The following DGKZ variants were observed in gnomAD, a reference collection of about 807,000 sequenced individuals.
DGKZ encodes DAG kinase zeta.
A neutral mutation model predicts 142.5 loss-of-function variants in DGKZ; 45 were observed. That is an observed-to-expected ratio of 0.32 (90% CI 0.25 to 0.40). DGKZ has a LOEUF of 0.40. DGKZ is among the 10% of genes least tolerant of loss of function. The pLI, the probability that DGKZ is intolerant of heterozygous loss-of-function variation, is 1.00. For missense variants in DGKZ, 755 were observed against 1,306.5 expected, an observed-to-expected ratio of 0.58 and a Z score of 6.51; for synonymous variants, 442 against 527.0, an observed-to-expected ratio of 0.84 and a Z score of 2.21.
At chr11:46,377,306 G>A in intron 25 of DGKZ, 94 bp downstream of exon 25, 2 of 1,460,002 alleles carry the variant, frequency 1.4e-6, no homozygotes, top group South Asian at 2.9e-5. Context: ...CCCTCCACCA[G>A]TTAACTAAAT....
At chr11:46,360,154 A>G (rs1441979910) in intron 1 of DGKZ, among the ~76,000 whole-genome samples, 11 of 152,198 alleles carry the variant, frequency 7.2e-5, no homozygotes, top group Non-Finnish European at 1.3e-4. Flanking sequence ...GCCTTCTATT[A>G]GGCCAGATGT....
chr11:46,376,400 G>A lies in DGKZ; in HGVS notation c.2161+3G>A. The A allele has an allele frequency of 1.9e-6, 3 of 1,614,120 alleles. No individual in the cohort carries two copies. The highest frequency in any genetic ancestry group is 1.1e-5 in the South Asian group (1 of 91,092). ...CCCCAAGTGGTGCTTCCTGGACGGTGAGTCTACTCCCAGGGTGCCAAGCTG... is the reference window on the plus strand; with the variant it reads ...CCCCAAGTGGTGCTTCCTGGACGGTAAGTCTACTCCCAGGGTGCCAAGCTG... On this transcript the variant is annotated splice_donor_region_variant and intron_variant, in intron 23 of 30. Coordinates refer to ENST00000527911, the Ensembl canonical transcript of DGKZ.
intron 28 of DGKZ, 26 bp downstream of exon 28, chr11:46,379,137 CCT>C: frequency 6.2e-7 from 1 of 1,610,844 alleles, no homozygotes; most frequent in East Asian, 2.2e-5. Flanking sequence ...GAGCCCAGGG[CCT>C]GGGGCCAAGG....
chr11:46,372,534 G>A lies in DGKZ; in HGVS notation c.1010+24G>A, dbSNP rs946741798. ...GCGTAAGTACTTGCCAAGGTTTTGT[G>A]GGGGACATGGGGGGGAACTTGCCTC... On this transcript the variant is annotated intron_variant, in intron 11 of 30. Coordinates refer to ENST00000527911, the Ensembl canonical transcript of DGKZ. The surrounding 1 kb of genome is among the most constrained non-coding windows in gnomAD (Gnocchi z 5.9). 2 of 1,613,814 alleles carry A rather than the reference G, an allele frequency of 1.2e-6. No homozygotes were observed. Among genetic ancestry groups the A allele is most frequent in the Admixed American group, 3.3e-5 (2 of 59,994 alleles).
chr11:46,367,512 A>G lies in DGKZ; in HGVS notation c.270+113A>G. 6 of 1,299,966 alleles carry G rather than the reference A, an allele frequency of 4.6e-6. No homozygotes were observed. In the South Asian group the frequency reaches 8.2e-5, roughly 18 times the overall value. The allele number at this position is 1,299,966 out of a possible 1,614,324, so 80.5% of individuals were successfully genotyped here. Reference sequence around the variant, plus strand: ...GAGAGCCAAGCCTGGAAGGGTTGGGACAGTGGGGCAGACGGAACAGAGCAG... The same window carrying G: ...GAGAGCCAAGCCTGGAAGGGTTGGGGCAGTGGGGCAGACGGAACAGAGCAG... On this transcript the variant is annotated intron_variant, in intron 2 of 30. Coordinates refer to ENST00000527911, the Ensembl canonical transcript of DGKZ. The surrounding 1 kb of genome is among the most constrained non-coding windows in gnomAD (Gnocchi z 4.1).
Position 46,378,249 on chromosome 11 carries a change from G to T in DGKZ, c.2374+20G>T. 6.3e-7 allele frequency: 1 copy of T among 1,599,592 alleles called. No homozygotes were observed. On this transcript the variant is annotated intron_variant, in intron 26 of 30. Transcript: ENST00000527911. ...CTCAAGGTGAGGCCTCTCCCTCTGG[G>T]GCCCCTCCTTTCTGCCTGGTTGGGG...
At chr11:46,345,360 C>T (rs1237621393), upstream of DGKZ, 2 of 1,397,694 alleles carry the variant, frequency 1.4e-6, no homozygotes, top group East Asian at 6.0e-5. The surrounding 1 kb of genome is among the most constrained non-coding windows in gnomAD (Gnocchi z 4.1). Flanking sequence ...CCCCCCTCGA[C>T]CCCACCCCCG....
At chr11:46,356,059 G>C (rs1224174052) in intron 1 of DGKZ, among the ~76,000 whole-genome samples, 2 of 152,148 alleles carry the variant, frequency 1.3e-5, no homozygotes, top group African/African-American at 4.8e-5. Flanking sequence ...TGTTAATATT[G>C]AATGAGGGGT....
chr11:46,375,390 C>G, intron 19 of DGKZ, 42 bp from the exon 20 acceptor site: 1 of 1,532,542 alleles, frequency 6.5e-7, no homozygotes, highest in Non-Finnish European at 8.8e-7. Flanking sequence ...CCCCCTGCCC[C>G]CAGCCCTGGT....
exon 30 of DGKZ, chr11:46,379,477 C>A: frequency 1.2e-6 from 2 of 1,610,372 alleles, no homozygotes; most frequent in Non-Finnish European, 8.5e-7. Context: ...AGCGGGGAGA[C>A]CTGTTTGCAC....
At chr11:46,378,544 G>A (rs1316250075) in intron 27 of DGKZ, 44 bp downstream of exon 27, 8 of 1,612,578 alleles carry the variant, frequency 5.0e-6, no homozygotes, top group African/African-American at 1.3e-5. Context: ...CAGCTCCCTC[G>A]GGCCCTGGGG....
chr11:46,352,538 G>A (rs1941532052), intron 1 of DGKZ, among the ~76,000 whole-genome samples: 1 of 152,190 alleles, frequency 6.6e-6, no homozygotes, highest in Non-Finnish European at 1.5e-5. Flanking sequence ...ACTCAGCCAA[G>A]TTCTCGCAGC....
exon 25 of DGKZ, chr11:46,377,183 C>G (rs1156856577): frequency 2.5e-6 from 4 of 1,603,292 alleles, no homozygotes; most frequent in Non-Finnish European, 3.4e-6. Context: ...CTTCCCCTCT[C>G]CCCACCTCAC....
Position 46,374,676 on chromosome 11 carries a change from G to A in DGKZ, c.1524+10G>A, listed in dbSNP as rs1241444978. 4 of 1,600,328 alleles carry A rather than the reference G, an allele frequency of 2.5e-6. No homozygotes were observed. Among genetic ancestry groups the A allele is most frequent in the African/African-American group, 2.7e-5 (2 of 74,768 alleles). ...GCACATCCGAGTGGTGGTGAGCGGG[G>A]CCAGGCTGCCGTGGGTGGGTGGGCC... On this transcript the variant is annotated intron_variant, in intron 17 of 30. Coordinates refer to ENST00000527911, the Ensembl canonical transcript of DGKZ.
chr11:46,377,302 A>G (rs1488525035), intron 25 of DGKZ, 90 bp downstream of exon 25: 4 of 1,460,686 alleles, frequency 2.7e-6, no homozygotes, highest in African/African-American at 1.4e-5. Context: ...TAGCCCCTCC[A>G]CCAGTTAACT....
intron 1 of DGKZ, among the ~76,000 whole-genome samples, chr11:46,341,218 G>A (rs1940261967): frequency 6.6e-6 from 1 of 152,166 alleles, no homozygotes; most frequent in African/African-American, 2.4e-5. Context: ...CCTCTGCCCA[G>A]CCTTCTGAAC....
intron 1 of DGKZ, chr11:46,365,940 C>T: frequency 2.0e-6 from 2 of 985,406 alleles, no homozygotes; most frequent in Non-Finnish European, 2.4e-6. Flanking sequence ...AAGGGGTAGC[C>T]TGAAGCACCC....
At chr11:46,377,269 G>A (rs934227304) in intron 25 of DGKZ, 57 bp downstream of exon 25, 26 of 1,521,742 alleles carry the variant, frequency 1.7e-5, no homozygotes, top group East Asian at 1.2e-4. Flanking sequence ...CCTGTAAGCC[G>A]ATGACTTCTG....
Position 46,366,336 on chromosome 11 carries a change from G to A in DGKZ, c.162-955G>A, listed in dbSNP as rs1943247529. ...GGGCAGCAGCGGCCCAGCAGCGTGG[G>A]GCTGCCCACAGGCAAGGCCCGGCGT... On this transcript the variant is annotated intron_variant, in intron 1 of 30. Transcript: ENST00000527911. The A allele has an allele frequency of 6.4e-7, 1 of 1,560,538 alleles. No individual in the cohort carries two copies. The highest frequency in any genetic ancestry group is 1.4e-5 in the African/African-American group (1 of 73,124).
Sources: allele counts gnomAD v4.1 joint callset (sites outside exome capture counted in the v4.1 genomes callset), GRCh38; gene constraint gnomAD v4.1.1; non-coding constraint Gnocchi (gnomAD v3.1); transcripts MANE v1.5; gene names NCBI Gene and HGNC (gene_info 2026-07-23, HGNC 2026-07-21).